The following TBC1D14 variants were observed in gnomAD, a reference collection of about 807,000 sequenced individuals.
TBC1D14 encodes TBC1 domain family, member 14.
A neutral mutation model predicts 79.0 loss-of-function variants in TBC1D14; 26 were observed. The ratio of observed to expected loss-of-function variants is 0.33; its 90% CI spans 0.24 to 0.46. TBC1D14 has a LOEUF of 0.46. Among genes scored for constraint, TBC1D14 ranks in the 20% least tolerant of loss-of-function variants. The pLI, the probability that TBC1D14 is intolerant of heterozygous loss-of-function variation, is 1.00. For synonymous variants in TBC1D14, 394 were observed against 349.9 expected (o/e 1.13, Z -1.40); for missense variants, 769 against 887.6 (o/e 0.87, Z 1.70).
intron 10 of TBC1D14, 59 bp downstream of exon 10, chr4:7,010,007 G>T: frequency 6.3e-7 from 1 of 1,583,982 alleles, no homozygotes; most frequent in Non-Finnish European, 8.7e-7. Flanking sequence ...GTCAGATATT[G>T]TCCAGCACGT....
intron 2 of TBC1D14, among the ~76,000 whole-genome samples, chr4:6,956,933 T>A (rs1714700797): frequency 6.6e-6 from 1 of 152,238 alleles, no homozygotes; most frequent in East Asian, 1.9e-4. Context: ...GTAAGCTGCT[T>A]CCGGCTACTT....
At chr4:6,951,671 G>A (rs530381572) in intron 2 of TBC1D14, among the ~76,000 whole-genome samples, 1 of 14,200 alleles carries the variant, frequency 7.0e-5, no homozygotes, top group Admixed American at 1.1e-3. Context: ...ATTAAATGAT[G>A]CCAATAAATA....
chr4:6,926,489 CT>C (rs1560249748), intron 2 of TBC1D14, among the ~76,000 whole-genome samples: 1 of 152,298 alleles, frequency 6.6e-6, no homozygotes, highest in South Asian at 2.1e-4. Flanking sequence ...AGTGTCTCTT[CT>C]TTTATTCCTT....
chr4:6,977,953 C>T (rs1344250752), intron 3 of TBC1D14, among the ~76,000 whole-genome samples: 1 of 145,872 alleles, frequency 6.9e-6, no homozygotes, highest in East Asian at 2.1e-4. Flanking sequence ...AGTGAGGAGA[C>T]CCTCTGCCTG....
At chr4:6,986,046 G>A (rs1428321859) in intron 3 of TBC1D14, among the ~76,000 whole-genome samples, 1 of 152,300 alleles carries the variant, frequency 6.6e-6, no homozygotes, top group East Asian at 1.9e-4. Context: ...CTTCGTGCCT[G>A]TTTGCAGTTG....
intron 7 of TBC1D14, among the ~76,000 whole-genome samples, chr4:7,003,796 G>C (rs1262979117): frequency 6.6e-6 from 1 of 151,986 alleles, no homozygotes; most frequent in Non-Finnish European, 1.5e-5. Context: ...GAGGTCAGGA[G>C]TTTGAGACCA....
chr4:6,918,768 A>G (rs939613551), intron 1 of TBC1D14, among the ~76,000 whole-genome samples: 4 of 152,176 alleles, frequency 2.6e-5, no homozygotes, highest in African/African-American at 9.7e-5. Flanking sequence ...GATAATTCTA[A>G]TGACCTTGAC....
chr4:7,020,012 T>G (rs1721667883), intron 12 of TBC1D14, among the ~76,000 whole-genome samples: 1 of 115,338 alleles, frequency 8.7e-6, no homozygotes, highest in South Asian at 3.3e-4. Context: ...GGTGGGTATG[T>G]GAACCCCGCT....
At chr4:6,999,395 CCCTT>C (rs2109189472) in intron 6 of TBC1D14, among the ~76,000 whole-genome samples, 193 bp downstream of exon 6, 1 of 152,206 alleles carries the variant, frequency 6.6e-6, no homozygotes, top group Admixed American at 6.5e-5. Context: ...CCCTTCCCCT[CCCTT>C]CCAGTTCACC....
chr4:6,982,698 A>G (rs987861479), intron 3 of TBC1D14, among the ~76,000 whole-genome samples: 1 of 152,214 alleles, frequency 6.6e-6, no homozygotes, highest in East Asian at 1.9e-4. Flanking sequence ...TGACAGTTGT[A>G]TAAGGGTATT....
intron 1 of TBC1D14, among the ~76,000 whole-genome samples, chr4:6,915,972 A>T (rs1304431873): frequency 6.6e-6 from 1 of 151,868 alleles, no homozygotes; most frequent in South Asian, 2.1e-4. Flanking sequence ...AAAAAATGCA[A>T]AAAATTAGCC....
intron 12 of TBC1D14, among the ~76,000 whole-genome samples, chr4:7,023,374 C>T (rs1722020889): frequency 6.6e-6 from 1 of 152,226 alleles, no homozygotes; most frequent in Non-Finnish European, 1.5e-5. Context: ...AGTGGGCACA[C>T]AGAGATAGTT....
At chr4:6,916,874 G>C (rs1252277929) in intron 1 of TBC1D14, among the ~76,000 whole-genome samples, 1 of 152,232 alleles carries the variant, frequency 6.6e-6, no homozygotes, top group African/African-American at 2.4e-5. Context: ...TTCCTCCTGT[G>C]CCTTGGGCAC....
intron 1 of TBC1D14, among the ~76,000 whole-genome samples, chr4:6,914,229 T>C (rs1723219257): frequency 6.6e-6 from 1 of 152,114 alleles, no homozygotes; most frequent in Non-Finnish European, 1.5e-5. Context: ...AAGGAGCCTT[T>C]GAGGACCCTG....
intron 1 of TBC1D14, among the ~76,000 whole-genome samples, chr4:6,922,403 C>T (rs78765400): frequency 0.021 from 3,161 of 152,280 alleles, 117 homozygotes; most frequent in African/African-American, 0.072. Context: ...TTCTAACCTA[C>T]GTGTGGTCTC....
intron 3 of TBC1D14, among the ~76,000 whole-genome samples, chr4:6,993,827 T>C (rs1246161320): frequency 6.6e-6 from 1 of 152,100 alleles, no homozygotes; most frequent in Non-Finnish European, 1.5e-5. Context: ...CTGGCCAACA[T>C]GGTGAAACCC....
At chr4:6,914,990 G>A (rs1723280932) in intron 1 of TBC1D14, among the ~76,000 whole-genome samples, 1 of 152,208 alleles carries the variant, frequency 6.6e-6, no homozygotes, top group Admixed American at 6.5e-5. Context: ...GGTGAGCCCA[G>A]ATCATGCCAC....
chr4:6,987,617 G>GGAC, intron 3 of TBC1D14: 1 of 386,628 alleles, frequency 2.6e-6, no homozygotes, highest in Non-Finnish European at 4.6e-6. Context: ...ACGTTTACTA[G>GGAC]GACGACGAGA....
At chr4:6,943,198 C>G (rs753215712) in intron 2 of TBC1D14, among the ~76,000 whole-genome samples, 5 of 152,036 alleles carry the variant, frequency 3.3e-5, no homozygotes, top group Non-Finnish European at 1.5e-5. Flanking sequence ...ACACACAACT[C>G]CACTCAGAGT....
Sources: gnomAD v4.1 joint callset for allele counts (sites outside exome capture counted in the v4.1 genomes callset) on GRCh38, gnomAD v4.1.1 for gene constraint, MANE v1.5 for transcripts, NCBI Gene and HGNC (gene_info 2026-07-23, HGNC 2026-07-21) for gene names.